The following ATXN1 variants were observed in gnomAD, a reference collection of about 807,000 sequenced individuals.
ATXN1 encodes ataxin 1.
Under a neutral mutation model 56.4 loss-of-function variants are expected in ATXN1, and 8 were observed. The ratio of observed to expected loss-of-function variants is 0.14; its 90% CI spans 0.08 to 0.26. ATXN1 has a LOEUF of 0.26. Among genes scored for constraint, ATXN1 ranks in the 10% least tolerant of loss-of-function variants. The pLI is 1.00. For synonymous variants in ATXN1, 514 were observed against 494.6 expected (o/e 1.04, Z -0.52); for missense variants, 987 against 1,106.5 (o/e 0.89, Z 1.53).
intron 3 of ATXN1, among the ~76,000 whole-genome samples, chr6:16,640,145 A>T (rs140121067): frequency 1.0e-3 from 155 of 152,224 alleles, no homozygotes; most frequent in African/African-American, 3.7e-3. Context: ...GCATGTGCTC[A>T]TGTTGAGCCT....
At chr6:16,368,088 C>T (rs986439342) in intron 6 of ATXN1, among the ~76,000 whole-genome samples, 13 of 151,488 alleles carry the variant, frequency 8.6e-5, no homozygotes, top group African/African-American at 2.7e-4. Context: ...GACAATTGCT[C>T]GAACCCAAGA....
At chr6:16,496,168 A>G (rs1366329542) in intron 5 of ATXN1, among the ~76,000 whole-genome samples, 1 of 152,194 alleles carries the variant, frequency 6.6e-6, no homozygotes, top group African/African-American at 2.4e-5. Flanking sequence ...TTCTGACTCA[A>G]TCAGAACAAA....
intron 4 of ATXN1, among the ~76,000 whole-genome samples, chr6:16,542,225 T>C (rs538232639): frequency 6.6e-6 from 1 of 152,158 alleles, no homozygotes; most frequent in South Asian, 2.1e-4. Context: ...TTCCAATGGG[T>C]TCTCTGCACA....
intron 6 of ATXN1, among the ~76,000 whole-genome samples, chr6:16,430,722 T>TGC (rs572541406): frequency 6.5e-4 from 91 of 140,214 alleles, no homozygotes; most frequent in South Asian, 5.8e-3. Flanking sequence ...TGTGTGTGTG[T>TGC]GCGCGTGTGT....
chr6:16,590,031 G>T (rs989489560), intron 3 of ATXN1, among the ~76,000 whole-genome samples: 2 of 152,126 alleles, frequency 1.3e-5, no homozygotes, highest in Non-Finnish European at 2.9e-5. Context: ...CCATTCAAGT[G>T]CTGTAAACAT....
intron 1 of ATXN1, among the ~76,000 whole-genome samples, chr6:16,753,829 GAAGA>G (rs1178003944): frequency 3.5e-4 from 54 of 152,288 alleles, no homozygotes; most frequent in Non-Finnish European, 7.4e-4. Context: ...CAATGGAATA[GAAGA>G]AAGGAAAAAA....
At chr6:16,321,524 G>C (rs1324782384) in intron 7 of ATXN1, among the ~76,000 whole-genome samples, 1 of 152,204 alleles carries the variant, frequency 6.6e-6, no homozygotes, top group Non-Finnish European at 1.5e-5. Flanking sequence ...GTGGGGGCCT[G>C]GGGGATGCAT....
chr6:16,352,675 C>A (rs1761595031), intron 6 of ATXN1, among the ~76,000 whole-genome samples: 1 of 152,098 alleles, frequency 6.6e-6, no homozygotes, highest in Non-Finnish European at 1.5e-5. Flanking sequence ...GATTTCAGTA[C>A]AATAGTCCCC....
rs191567756 is a variant in ATXN1, at chr6:16,342,987, A to C, written c.-160-14517T>G. Among the ~76,000 whole-genome samples the C allele has an allele frequency of 2.0e-5, 3 of 152,338 alleles. No individual in the cohort carries two copies. In the East Asian group the frequency reaches 5.8e-4, roughly 29 times the overall value. Reference sequence around the variant, plus strand: ...ATGTGCCACTTAACCGTGCACGTAAAAATGATTAAGATGGTAAATTTCATA... The same window carrying C: ...ATGTGCCACTTAACCGTGCACGTAACAATGATTAAGATGGTAAATTTCATA... On this transcript the variant is annotated intron_variant, in intron 6 of 7. Transcript: ENST00000436367.
chr6:16,512,718 A>T (rs1230463759), intron 5 of ATXN1, among the ~76,000 whole-genome samples: 1 of 152,162 alleles, frequency 6.6e-6, no homozygotes, highest in Admixed American at 6.5e-5. Flanking sequence ...CAACAGCAAC[A>T]AACAGTCATT....
At chr6:16,466,461 G>A (rs1300049049) in intron 6 of ATXN1, among the ~76,000 whole-genome samples, 2 of 151,966 alleles carry the variant, frequency 1.3e-5, no homozygotes, top group Non-Finnish European at 2.9e-5. Context: ...AGCGCAAGAG[G>A]GCAGTACAAT....
intron 2 of ATXN1, among the ~76,000 whole-genome samples, chr6:16,751,027 G>A (rs947594403): frequency 6.8e-6 from 1 of 147,578 alleles, no homozygotes; most frequent in Non-Finnish European, 1.5e-5. Context: ...GGAGTGCAGT[G>A]GCGAGACCTG....
intron 6 of ATXN1, among the ~76,000 whole-genome samples, chr6:16,375,982 A>C (rs1008198241): frequency 1.3e-5 from 2 of 152,254 alleles, no homozygotes; most frequent in African/African-American, 2.4e-5. Flanking sequence ...TGCTATCCAC[A>C]AGCCCTGGGC....
At chr6:16,719,018 C>T (rs1056711307) in intron 2 of ATXN1, among the ~76,000 whole-genome samples, 9 of 152,126 alleles carry the variant, frequency 5.9e-5, no homozygotes, top group Non-Finnish European at 1.3e-4. Context: ...CTTTATTTCC[C>T]GGGGACTCTG....
chr6:16,301,453 A>T lies in ATXN1; in HGVS notation c.*4876T>A, dbSNP rs1344485354. The T allele has an allele frequency of 6.6e-6, 1 of 152,664 alleles. No homozygotes were observed. The highest frequency in any genetic ancestry group is 2.4e-5 in the African/African-American group (1 of 41,454). 9.5% of individuals were successfully genotyped at this position (152,664 alleles called of 1,614,324 possible). On this transcript the variant is annotated 3_prime_UTR_variant, in exon 8 of 8. Transcript: ENST00000436367. The stretch of plus-strand genomic sequence containing the variant: ...CTGTCCGTGGAAAAGAGAGGAAACC[A>T]ACCCAACACAATAGCAGATGCATGT...
intron 6 of ATXN1, among the ~76,000 whole-genome samples, chr6:16,383,430 G>C (rs1758174292): frequency 6.6e-6 from 1 of 152,092 alleles, no homozygotes; most frequent in Non-Finnish European, 1.5e-5. Context: ...TTCACGTAAT[G>C]GGAGAGGCGA....
chr6:16,608,526 T>C (rs555049397), intron 3 of ATXN1, among the ~76,000 whole-genome samples: 78 of 152,176 alleles, frequency 5.1e-4, no homozygotes, highest in Non-Finnish European at 4.6e-4. Context: ...CTCTCCCTAG[T>C]AGGAGAGCGC....
intron 2 of ATXN1, among the ~76,000 whole-genome samples, chr6:16,716,113 T>TA (rs1443486308): frequency 2.0e-5 from 3 of 152,208 alleles, no homozygotes; most frequent in Admixed American, 2.0e-4. Flanking sequence ...CCTATGATGA[T>TA]AAGTAACACA....
chr6:16,481,890 C>A (rs1760446958), intron 6 of ATXN1, among the ~76,000 whole-genome samples: 2 of 152,068 alleles, frequency 1.3e-5, no homozygotes, highest in Non-Finnish European at 2.9e-5. Context: ...AAAGCCAGGG[C>A]AGGATGCTCA....
Sources: allele counts gnomAD v4.1 joint callset (sites outside exome capture counted in the v4.1 genomes callset), GRCh38; gene constraint gnomAD v4.1.1; transcripts MANE v1.5; gene names NCBI Gene and HGNC (gene_info 2026-07-23, HGNC 2026-07-21).